Variants in FCRL5 observed in about 807,000 individuals in gnomAD.
FCRL5 encodes the protein Fc receptor-like protein 5.
Under a neutral mutation model 92.1 loss-of-function variants are expected in FCRL5, and 79 were observed. That is an observed-to-expected ratio of 0.86 (90% CI 0.72 to 1.03). The LOEUF (loss-of-function observed/expected upper bound fraction) is 1.03, where lower values mean the gene tolerates loss of function less well. Ranked by LOEUF, FCRL5 falls within the 50% of genes least tolerant of loss-of-function variation. The pLI is 0.00. For missense variants in FCRL5, 1,160 were observed against 1,181.1 expected (o/e 0.98, Z 0.26); for synonymous variants, 466 against 469.3 (o/e 0.99, Z 0.09).
chr1:157,528,046 A>G, intron 8 of FCRL5, 151 bp from the exon 9 acceptor site: 3 of 863,094 alleles, frequency 3.5e-6, no homozygotes, highest in Admixed American at 6.1e-5. Context: ...CACTGATGAC[A>G]TGATTGTATA....
intron 14 of FCRL5, 59 bp from the exon 15 acceptor site, chr1:157,518,556 C>A (rs1650034433): frequency 1.3e-6 from 2 of 1,513,080 alleles, no homozygotes. Flanking sequence ...GTTAGAGATA[C>A]TTCCTCCTCC....
At chr1:157,532,296 C>T (rs186017889) in intron 8 of FCRL5, 1 of 152,218 alleles carries the variant, frequency 6.6e-6, no homozygotes, top group Admixed American at 6.5e-5. Flanking sequence ...TCCTATGTGA[C>T]TCTACAGGCT....
Position 157,534,617 on chromosome 1 carries a change from T to C in FCRL5, c.1678A>G (p.Thr560Ala), listed in dbSNP as rs774519861. 6.8e-6 allele frequency: 11 copies of C among 1,614,066 alleles called. No homozygotes were observed. The South Asian group carries it at 1.1e-4, about 16-fold the overall frequency. ...QRSEVVSLFV[T>A]VPVSRPILTL... The stretch of plus-strand genomic sequence containing the variant: ...CTGGCAAGAACCCAGCACTTACCAG[T>C]GACAAAAAGGCTCACCACTTCACTG... The change falls in exon 8 of 17, where the codon ACT becomes GCT. Residue 560 changes from threonine (T) to alanine (A), a missense_variant. Transcript: ENST00000361835.
rs992282074 is a variant in FCRL5, at chr1:157,515,329, C to G, written c.*346G>C. 4 of 345,338 alleles carry G rather than the reference C, an allele frequency of 1.2e-5. No individual in the cohort carries two copies. Among genetic ancestry groups the G allele is most frequent in the African/African-American group, 8.3e-5 (4 of 48,146 alleles). The allele number at this position is 345,338 out of a possible 1,614,324, so 21.4% of individuals were successfully genotyped here. On this transcript the variant is annotated 3_prime_UTR_variant, in exon 17 of 17. Coordinates refer to ENST00000361835, the MANE Select transcript of FCRL5 (RefSeq NM_031281.3). ...CCGGCATCTCCTGAAGGCCCACTCT[C>G]CCTTTGTGTGGTAAGACCCCCTCTG...
At chr1:157,523,545 A>C (rs1327854372) in intron 10 of FCRL5, among the ~76,000 whole-genome samples, 1 of 152,210 alleles carries the variant, frequency 6.6e-6, no homozygotes, top group Non-Finnish European at 1.5e-5. Context: ...TTTGCTAAAC[A>C]CCAGTTCTCT....
chr1:157,523,253 G>A (rs910521795), intron 10 of FCRL5, among the ~76,000 whole-genome samples: 8 of 152,130 alleles, frequency 5.3e-5, no homozygotes, highest in Admixed American at 3.3e-4. Context: ...GTATGGTCTC[G>A]TGTTTCTCCA....
chr1:157,544,930 G>T lies in FCRL5; in HGVS notation c.460C>A (p.Pro154Thr). The change falls in exon 4 of 17, where the codon CCT becomes ACT. Residue 154 changes from proline (P) to threonine (T), a missense_variant. By Grantham distance (38) the Pro-to-Thr change is conservative. Coordinates refer to ENST00000361835, the MANE Select transcript of FCRL5 (RefSeq NM_031281.3). ...FLNKRTDFHI[P>T]HACLKDNGAY... ...CCATTGTCCTTGAGACATGCATGAG[G>T]AATATGGAAGTCAGTTCTTTTATTA... 1 of 1,614,186 alleles carries T rather than the reference G, an allele frequency of 6.2e-7. No homozygotes were observed. Among genetic ancestry groups the T allele is most frequent in the Admixed American group, 1.7e-5 (1 of 60,032 alleles).
rs915697298 is a variant in FCRL5, at chr1:157,524,272, C to T, written c.2239+7G>A. 6.8e-6 allele frequency: 11 copies of T among 1,614,138 alleles called. No homozygotes were observed. Among genetic ancestry groups the T allele is most frequent in the Non-Finnish European group, 9.3e-6 (11 of 1,179,944 alleles). ...AGATGTGCTGCTGGTGGGCAGGGCC[C>T]ACTCACCTGCAACTTTCAGTGTCAC... On this transcript the variant is annotated splice_region_variant and intron_variant, in intron 10 of 16. Transcript: ENST00000361835.
In FCRL5 at chr1:157,542,985, C is replaced by A. The variant is rs1356176188; in HGVS notation, c.997G>T (p.Val333Phe). The A allele has an allele frequency of 6.2e-7, 1 of 1,614,092 alleles. No homozygotes were observed. Among genetic ancestry groups the A allele is most frequent in the African/African-American group, 1.3e-5 (1 of 74,938 alleles). ...ATGGATGCTCCCCTTTCACAGCGGA[C>A]TGACTTGTGCCTCAGGGGGACACCC... ...HEGVPLRHKS[V>F]RCERGASISF... Residue 333 changes from valine (V) to phenylalanine (F), a missense_variant, in exon 6 of 17, where the codon GTC becomes TTC. Physicochemically the swap from Val to Phe is conservative, Grantham distance 50 (BLOSUM62 -1). Transcript: ENST00000361835.
intron 8 of FCRL5, 30 bp downstream of exon 8, chr1:157,534,584 G>T: frequency 2.5e-6 from 4 of 1,613,738 alleles, no homozygotes; most frequent in Non-Finnish European, 2.5e-6. Flanking sequence ...TCAGCCAGGG[G>T]TGGGTGACTG....
chr1:157,542,793 C>T, intron 6 of FCRL5, 66 bp downstream of exon 6: 2 of 1,553,158 alleles, frequency 1.3e-6, no homozygotes. Flanking sequence ...ATGCTGACTT[C>T]CGAAGGGCAG....
chr1:157,544,211 C>T lies in FCRL5; in HGVS notation c.844+51G>A, dbSNP rs753790845. The T allele has an allele frequency of 3.1e-6, 5 of 1,598,086 alleles. No individual in the cohort carries two copies. In the Middle Eastern group the frequency reaches 6.7e-4, roughly 213 times the overall value. On this transcript the variant is annotated intron_variant, in intron 5 of 16. Coordinates refer to ENST00000361835, the MANE Select transcript of FCRL5 (RefSeq NM_031281.3). ...ACCCACGCTGATATGCAGCCCTGTC[C>T]CACTTTTCCAGCCCTCTCTGCAGCA...
At position 157,518,623 on chromosome 1, in the gene FCRL5, C is replaced by T. The variant is rs768155054; in HGVS notation, c.2743+77G>A. On this transcript the variant is annotated intron_variant, in intron 14 of 16. Transcript: ENST00000361835. ...GAGCCCTCTAGGCCTCGGCATAGTC[C>T]CTCCCCATCTCCTGCCCCACCGCTT... 89 of 1,475,978 alleles carry T rather than the reference C, an allele frequency of 6.0e-5. No individual in the cohort carries two copies. In the Middle Eastern group the frequency reaches 7.1e-4, roughly 12 times the overall value. 91.4% of individuals were successfully genotyped at this position (1,475,978 alleles called of 1,614,324 possible). A position where few individuals can be genotyped will look rare whatever the true frequency, so the allele number is the denominator to read the frequency against.
At chr1:157,546,922 G>A in intron 3 of FCRL5, 21 bp downstream of exon 3, 1 of 1,603,166 alleles carries the variant, frequency 6.2e-7, no homozygotes, top group Non-Finnish European at 8.5e-7. Flanking sequence ...TAAAGTTGGT[G>A]CGTCTTTCAC....
intron 7 of FCRL5, 58 bp downstream of exon 7, chr1:157,539,028 T>A: frequency 6.4e-7 from 1 of 1,567,948 alleles, no homozygotes; most frequent in Non-Finnish European, 8.7e-7. Flanking sequence ...TTCTGAAGGG[T>A]TGGGTAAGAG....
At chr1:157,530,939 T>C (rs769064340) in intron 8 of FCRL5, among the ~76,000 whole-genome samples, 3 of 152,110 alleles carry the variant, frequency 2.0e-5, no homozygotes, top group Non-Finnish European at 2.9e-5. Flanking sequence ...CCTTTTAAAA[T>C]ACAAAAGTAC....
Position 157,515,777 on chromosome 1 carries a change from A to T in FCRL5, c.2845-13T>A. On this transcript the variant is annotated splice_polypyrimidine_tract_variant and intron_variant, in intron 16 of 16. Coordinates refer to ENST00000361835, the MANE Select transcript of FCRL5 (RefSeq NM_031281.3). ...TGATAGGGGAACCCTAGGAGGCAAG[A>T]GCACATGCGTGAGGACCAGGGTGGG... 6.2e-7 allele frequency: 1 copy of T among 1,612,170 alleles called. No homozygotes were observed. The highest frequency in any genetic ancestry group is 8.5e-7 in the Non-Finnish European group (1 of 1,179,310).
Position 157,515,489 on chromosome 1 carries a change from C to T in FCRL5, c.*186G>A, listed in dbSNP as rs1019502637. 1 of 1,323,808 alleles carries T rather than the reference C, an allele frequency of 7.6e-7. No homozygotes were observed. Among genetic ancestry groups the T allele is most frequent in the African/African-American group, 1.5e-5 (1 of 68,628 alleles). The allele number at this position is 1,323,808 out of a possible 1,614,324, so 82.0% of individuals were successfully genotyped here. ...AAAAACCTGCCAGTCAGGGCTTTAA[C>T]TGGGAAACAGGTGACAGTCCAGCAG... On this transcript the variant is annotated 3_prime_UTR_variant, in exon 17 of 17. Transcript: ENST00000361835.
intron 3 of FCRL5, among the ~76,000 whole-genome samples, 153 bp downstream of exon 3, chr1:157,546,790 G>A (rs1385755338): frequency 6.6e-6 from 1 of 152,208 alleles, no homozygotes. Context: ...CTGTCTGGTT[G>A]TATTCTGAGC....
Sources: gnomAD v4.1 joint callset for allele counts (sites outside exome capture counted in the v4.1 genomes callset) on GRCh38, gnomAD v4.1.1 for gene constraint, MANE v1.5 for transcripts, NCBI Gene and HGNC (gene_info 2026-07-23, HGNC 2026-07-21) for gene names.